The following HS3ST2 variants were observed in gnomAD, a reference collection of about 807,000 sequenced individuals.
HS3ST2 encodes heparan sulfate-glucosamine 3-sulfotransferase 2.
HS3ST2 carries 17 observed loss-of-function variants against 26.3 expected under a neutral mutation model. The observed-to-expected ratio is 0.65, with a 90% CI of 0.44 to 0.97. The LOEUF (loss-of-function observed/expected upper bound fraction) is 0.97. Ranked by LOEUF, HS3ST2 falls within the 50% of genes least tolerant of loss-of-function variation. The probability of loss-of-function intolerance (pLI) is 0.00; values close to 1 mark genes in which losing one functional copy is unlikely to be tolerated. For synonymous variants in HS3ST2, 237 were observed against 219.2 expected (o/e 1.08, Z -0.72); for missense variants, 402 against 501.2 (o/e 0.80, Z 1.89).
intron 1 of HS3ST2, among the ~76,000 whole-genome samples, chr16:22,878,535 C>T (rs894069171): frequency 6.6e-6 from 1 of 152,032 alleles, no homozygotes; most frequent in African/African-American, 2.4e-5. Context: ...GTTGGGCTCA[C>T]TGACCACCCA....
chr16:22,871,342 G>A (rs1244535788), intron 1 of HS3ST2, among the ~76,000 whole-genome samples: 9 of 138,038 alleles, frequency 6.5e-5, no homozygotes, highest in East Asian at 2.1e-4. Flanking sequence ...GCGACAGAGC[G>A]ACACTCTGTT....
At position 22,815,211 on chromosome 16, in the gene HS3ST2, C is replaced by G. The variant is rs1900846083; in HGVS notation, c.485+116C>G. ...ACCCAACTCATTGTATGGGTTCAGG[C>G]TGACACACAGGGCCATGGGGGGCTA... On this transcript the variant is annotated intron_variant, in intron 1 of 1. Coordinates refer to ENST00000261374, the MANE Select transcript of HS3ST2 (RefSeq NM_006043.2). 5 of 1,337,286 alleles carry G rather than the reference C, an allele frequency of 3.7e-6. No individual in the cohort carries two copies. In the African/African-American group the frequency reaches 4.5e-5, roughly 12 times the overall value. 82.8% of individuals were successfully genotyped at this position (1,337,286 alleles called of 1,614,324 possible). A position where few individuals can be genotyped will look rare whatever the true frequency, so the allele number is the denominator to read the frequency against.
At chr16:22,854,675 G>A (rs982661605) in intron 1 of HS3ST2, 6 of 139,544 alleles carry the variant, frequency 4.3e-5, no homozygotes, top group African/African-American at 1.6e-4. Flanking sequence ...GTCTCACTCT[G>A]TCATTCAAGC....
At position 22,915,418 on chromosome 16, in the gene HS3ST2, C is replaced by G. The variant is rs1241446707; in HGVS notation, c.960C>G (p.Ser320Arg). ...GFPCLKKTES[S>R]LLPRCLGKSK... is the part of the protein sequence containing the mutation. ...CTTGCTTGAAAAAAACAGAATCGAG[C>G]CTCCTGCCTCGATGCTTGGGCAAAT... The change falls in exon 2 of 2, where the codon AGC (serine) becomes AGG (arginine). Residue 320 changes from serine to arginine, a missense_variant. Physicochemically the swap from Ser to Arg is moderately radical, Grantham distance 110. Around this residue, in one of 2 missense-constraint regions of HS3ST2, gnomAD observed 237 missense variants for 346.6 expected, o/e 0.68. Transcript: ENST00000261374. The G allele has an allele frequency of 6.2e-7, 1 of 1,613,690 alleles. No individual in the cohort carries two copies. Among genetic ancestry groups the G allele is most frequent in the Non-Finnish European group, 8.5e-7 (1 of 1,179,960 alleles).
intron 1 of HS3ST2, among the ~76,000 whole-genome samples, chr16:22,858,736 G>A (rs1182530834): frequency 6.6e-6 from 1 of 152,118 alleles, no homozygotes; most frequent in Non-Finnish European, 1.5e-5. Flanking sequence ...GTCTGTTTCT[G>A]TATTGTAAAA....
At chr16:22,901,247 C>T (rs1429525028) in intron 1 of HS3ST2, among the ~76,000 whole-genome samples, 1 of 152,186 alleles carries the variant, frequency 6.6e-6, no homozygotes, top group African/African-American at 2.4e-5. Context: ...CAATTTTTCA[C>T]CCAACATCAA....
intron 1 of HS3ST2, among the ~76,000 whole-genome samples, chr16:22,901,581 TG>T (rs1902282427): frequency 6.6e-6 from 1 of 152,202 alleles, no homozygotes; most frequent in South Asian, 2.1e-4. Flanking sequence ...AGAGATATCC[TG>T]GGAGTTACCT....
intron 1 of HS3ST2, among the ~76,000 whole-genome samples, chr16:22,870,304 G>A (rs756373810): frequency 1.3e-5 from 2 of 152,088 alleles, no homozygotes; most frequent in African/African-American, 4.8e-5. Flanking sequence ...GCATTAAAAT[G>A]TATCCAGATA....
chr16:22,911,792 T>A (rs1320561452), intron 1 of HS3ST2, among the ~76,000 whole-genome samples: 1 of 152,176 alleles, frequency 6.6e-6, no homozygotes, highest in Admixed American at 6.5e-5. Flanking sequence ...CTTAATTACA[T>A]CTGCAAAGAC....
At chr16:22,874,733 A>G (rs2141194438) in intron 1 of HS3ST2, among the ~76,000 whole-genome samples, 1 of 152,334 alleles carries the variant, frequency 6.6e-6, no homozygotes, top group African/African-American at 2.4e-5. Context: ...CAGGAAGCCA[A>G]ACCACTTGAC....
chr16:22,909,889 T>C (rs1166621078), intron 1 of HS3ST2, among the ~76,000 whole-genome samples: 1 of 151,952 alleles, frequency 6.6e-6, no homozygotes, highest in Non-Finnish European at 1.5e-5. Context: ...TACAAAAAAT[T>C]AGCTGGGCGT....
intron 1 of HS3ST2, among the ~76,000 whole-genome samples, chr16:22,869,820 C>T (rs146115812): frequency 1.3e-5 from 2 of 152,266 alleles, no homozygotes; most frequent in African/African-American, 2.4e-5. Flanking sequence ...GTTCTTCCAC[C>T]TCCTGTTAAT....
In HS3ST2 at chr16:22,916,179, C is replaced by G. The variant is rs1902493899; in HGVS notation, c.*617C>G. On this transcript the variant is annotated 3_prime_UTR_variant, in exon 2 of 2. Coordinates refer to ENST00000261374, the MANE Select transcript of HS3ST2 (RefSeq NM_006043.2). The stretch of plus-strand genomic sequence containing the variant: ...TGGTCTCAACTGTGCTTGAAAAACA[C>G]TGTCTCTGAAAACAACTTTGTGATT... 6.5e-6 allele frequency: 1 copy of G among 152,886 alleles called. No individual in the cohort carries two copies. Among genetic ancestry groups the G allele is most frequent in the South Asian group, 2.1e-4 (1 of 4,834 alleles). 9.5% of individuals were successfully genotyped at this position (152,886 alleles called of 1,614,324 possible). A position where few individuals can be genotyped will look rare whatever the true frequency, so the allele number is the denominator to read the frequency against.
chr16:22,833,120 A>C (rs1901199367), intron 1 of HS3ST2, among the ~76,000 whole-genome samples: 1 of 152,230 alleles, frequency 6.6e-6, no homozygotes. Flanking sequence ...AATGGTGTTG[A>C]TCTGGAATTG....
intron 1 of HS3ST2, among the ~76,000 whole-genome samples, chr16:22,887,120 G>A (rs546536422): frequency 6.6e-6 from 1 of 152,242 alleles, no homozygotes; most frequent in South Asian, 2.1e-4. Flanking sequence ...TTTATCGTGT[G>A]CACCTGGGAA....
chr16:22,852,277 G>T (rs1264910325), intron 1 of HS3ST2, among the ~76,000 whole-genome samples: 1 of 152,136 alleles, frequency 6.6e-6, no homozygotes, highest in Non-Finnish European at 1.5e-5. Context: ...GTAGACACAG[G>T]AGCAAAAATA....
chr16:22,884,600 T>C (rs1427105727), intron 1 of HS3ST2, among the ~76,000 whole-genome samples: 2 of 151,402 alleles, frequency 1.3e-5, no homozygotes, highest in African/African-American at 4.8e-5. Flanking sequence ...ACCTTTGAAC[T>C]GGATGGCCTT....
intron 1 of HS3ST2, among the ~76,000 whole-genome samples, chr16:22,889,496 C>T (rs1479317342): frequency 6.6e-6 from 1 of 152,106 alleles, no homozygotes; most frequent in African/African-American, 2.4e-5. Flanking sequence ...TATGACAATT[C>T]AAGGAAATGC....
At chr16:22,913,856 G>A in intron 1 of HS3ST2, among the ~76,000 whole-genome samples, 1 of 152,068 alleles carries the variant, frequency 6.6e-6, no homozygotes, top group African/African-American at 2.4e-5. Flanking sequence ...CAAAAAATAA[G>A]CCAGGCATGG....
Sources: gnomAD v4.1 joint callset for allele counts (sites outside exome capture counted in the v4.1 genomes callset) on GRCh38, gnomAD v4.1.1 for gene constraint, gnomAD v4.1.1 regional missense constraint, MANE v1.5 for transcripts, NCBI Gene and HGNC (gene_info 2026-07-23, HGNC 2026-07-21) for gene names.